Variants in PLEKHM2 observed in about 807,000 individuals in gnomAD.
PLEKHM2 encodes pleckstrin homology and RUN domain containing M2.
PLEKHM2 carries 77 observed loss-of-function variants against 116.3 expected under a neutral mutation model. The observed-to-expected ratio is 0.66, with a 90% CI of 0.55 to 0.80. The LOEUF is 0.80. PLEKHM2 is among the 30% of genes least tolerant of loss of function. PLEKHM2 has a pLI of 0.00. For missense variants in PLEKHM2, 1,183 were observed against 1,354.9 expected, an observed-to-expected ratio of 0.87 and a Z score of 1.99; for synonymous variants, 562 against 571.0, an observed-to-expected ratio of 0.98 and a Z score of 0.22.
At chr1:15,701,499 A>G (rs973283161) in intron 1 of PLEKHM2, among the ~76,000 whole-genome samples, 2 of 146,942 alleles carry the variant, frequency 1.4e-5, no homozygotes, top group African/African-American at 2.6e-5. Flanking sequence ...GACTTAAAAT[A>G]CCCCAGCTGG....
chr1:15,706,691 G>A (rs1206531080), intron 1 of PLEKHM2, among the ~76,000 whole-genome samples: 1 of 152,206 alleles, frequency 6.6e-6, no homozygotes, highest in Non-Finnish European at 1.5e-5. Context: ...ACAGGCGTGA[G>A]CCACTGTGCC....
At chr1:15,732,207 C>G (rs550051169) in intron 17 of PLEKHM2, 143 bp from the exon 18 acceptor site, 2 of 916,474 alleles carry the variant, frequency 2.2e-6, no homozygotes, top group Non-Finnish European at 3.3e-6. Context: ...AGGCATCACC[C>G]CCATCCCCGC....
chr1:15,725,006 G>A (rs1257445072), intron 7 of PLEKHM2, among the ~76,000 whole-genome samples: 1 of 152,180 alleles, frequency 6.6e-6, no homozygotes, highest in Non-Finnish European at 1.5e-5. Context: ...CATTCCTATG[G>A]GACTTAAGCC....
chr1:15,697,686 C>T (rs973971583), intron 1 of PLEKHM2, among the ~76,000 whole-genome samples: 1 of 152,156 alleles, frequency 6.6e-6, no homozygotes, highest in African/African-American at 2.4e-5. Flanking sequence ...TTTCTTGAGA[C>T]AGGGTCTCAC....
chr1:15,690,177 G>A (rs917958529), intron 1 of PLEKHM2, among the ~76,000 whole-genome samples: 2 of 150,778 alleles, frequency 1.3e-5, no homozygotes, highest in African/African-American at 2.4e-5. Flanking sequence ...AGCAATTCTC[G>A]TGCCTCAACC....
intron 3 of PLEKHM2, 94 bp downstream of exon 3, chr1:15,716,910 C>T: frequency 6.8e-7 from 1 of 1,479,988 alleles, no homozygotes; most frequent in Non-Finnish European, 9.1e-7. Context: ...CAGGGTCAGC[C>T]CTGGGAGGCA....
intron 1 of PLEKHM2, among the ~76,000 whole-genome samples, chr1:15,715,489 A>C (rs1641426892): frequency 6.6e-6 from 1 of 152,010 alleles, no homozygotes; most frequent in African/African-American, 2.4e-5. Context: ...TAAAGATAAA[A>C]AATTAGCTGG....
intron 1 of PLEKHM2, among the ~76,000 whole-genome samples, chr1:15,714,176 G>C (rs745672510): frequency 6.6e-6 from 1 of 151,730 alleles, no homozygotes; most frequent in Non-Finnish European, 1.5e-5. Context: ...TCCTGACCTC[G>C]TGATCCACCC....
rs1034914642 is a variant in PLEKHM2 at position 15,705,039 on chromosome 1, C to T, written c.61-11198C>T. Reference sequence around the variant, plus strand: ...GTGAGGACCCCTGGTCTAACGCAGCCCTGGCGGCTCAGTACTCAGACGCTC... The same window carrying T: ...GTGAGGACCCCTGGTCTAACGCAGCTCTGGCGGCTCAGTACTCAGACGCTC... On this transcript the variant is annotated intron_variant, in intron 1 of 19. Transcript: ENST00000375799. Among the ~76,000 whole-genome samples the T allele has an allele frequency of 7.9e-5, 12 of 152,152 alleles. No homozygotes were observed. The East Asian group carries it at 1.5e-3, about 20-fold the overall frequency.
chr1:15,689,130 C>T (rs1464475468), intron 1 of PLEKHM2, among the ~76,000 whole-genome samples: 1 of 151,728 alleles, frequency 6.6e-6, no homozygotes. Context: ...TACCTGTAAT[C>T]CCAGCTACTC....
At chr1:15,720,063 G>T in intron 6 of PLEKHM2, 143 bp downstream of exon 6, 1 of 601,720 alleles carries the variant, frequency 1.7e-6, no homozygotes. Flanking sequence ...CCATTTCCCA[G>T]ATCTTCATCT....
At chr1:15,726,016 C>T (rs1243775367) in intron 8 of PLEKHM2, 1 of 167,840 alleles carries the variant, frequency 6.0e-6, no homozygotes, top group Non-Finnish European at 1.3e-5. Context: ...GATTTCAACA[C>T]AGGAATCTGG....
chr1:15,682,420 C>T (rs917444571), upstream of PLEKHM2, among the ~76,000 whole-genome samples: 2 of 148,344 alleles, frequency 1.3e-5, no homozygotes, highest in Admixed American at 1.4e-4. Context: ...CACCGCACTC[C>T]GGCCTGGGTG....
At chr1:15,700,270 C>T (rs767593417) in intron 1 of PLEKHM2, among the ~76,000 whole-genome samples, 5 of 152,102 alleles carry the variant, frequency 3.3e-5, no homozygotes, top group Non-Finnish European at 7.4e-5. Flanking sequence ...GACAGGGTCT[C>T]GCTCTGTCAC....
Position 15,728,847 on chromosome 1 carries a change from C to A in PLEKHM2, c.1986+114C>A. ...CCCTTACTCCCCTCCCGGGGTTGGG[C>A]ACCAACTTAACTCTCAGAGAGGCTT... is the stretch of plus-strand genomic sequence containing the variant. On this transcript the variant is annotated intron_variant, in intron 12 of 19. Transcript: ENST00000375799. This position sits in a 1 kb window ranked among gnomAD's most constrained non-coding sequence, Gnocchi z 5.9. 1 of 1,013,052 alleles carries A rather than the reference C, an allele frequency of 9.9e-7. No homozygotes were observed. Among genetic ancestry groups the A allele is most frequent in the Non-Finnish European group, 1.5e-6 (1 of 666,606 alleles). The allele number at this position is 1,013,052 out of a possible 1,614,324, so 62.8% of individuals were successfully genotyped here. A position where few individuals can be genotyped will look rare whatever the true frequency, so the allele number is the denominator to read the frequency against.
intron 1 of PLEKHM2, among the ~76,000 whole-genome samples, chr1:15,713,144 C>T (rs1036420499): frequency 2.0e-5 from 3 of 151,866 alleles, no homozygotes; most frequent in Non-Finnish European, 2.9e-5. Flanking sequence ...GTAGACACAG[C>T]GTTTTGCTAT....
rs1448543905 is a variant in PLEKHM2 at position 15,733,875 on chromosome 1, G to A, written c.3001G>A (p.Ala1001Thr). 8.7e-6 allele frequency: 14 copies of A among 1,612,880 alleles called. No homozygotes were observed. Among genetic ancestry groups the A allele is most frequent in the African/African-American group, 1.3e-5 (1 of 74,932 alleles). ...FEDALSLIHS[A>T]WQRSDSLCRG... ...GGATGCCTTGAGCCTCATCCACAGC[G>A]CCTGGCAGCGGAGCGACAGTCTCTG... The change falls in exon 20 of 20, where the codon GCC (alanine) becomes ACC (threonine). Residue 1001 changes from alanine (A) to threonine (T), a missense_variant. Transcript: ENST00000375799.
intron 7 of PLEKHM2, among the ~76,000 whole-genome samples, chr1:15,724,067 C>T (rs2068029209): frequency 6.6e-6 from 1 of 152,176 alleles, no homozygotes; most frequent in Non-Finnish European, 1.5e-5. Context: ...CCCTCTCCTG[C>T]CCTGTTCCAG....
Position 15,734,000 on chromosome 1 carries a change from C to CA in PLEKHM2, c.*67dup. The CA allele has an allele frequency of 6.5e-7, 1 of 1,529,006 alleles. No homozygotes were observed. The highest frequency in any genetic ancestry group is 8.8e-7 in the Non-Finnish European group (1 of 1,132,068). 94.7% of individuals were successfully genotyped at this position (1,529,006 alleles called of 1,614,324 possible). A position where few individuals can be genotyped will look rare whatever the true frequency, so the allele number is the denominator to read the frequency against. ...GCACGCCAGCCGGCAGGCACACTGT[C>CA]ACGGCTGTTGTCATGCTGTCGGGAG... On this transcript the variant is annotated 3_prime_UTR_variant, in exon 20 of 20. Transcript: ENST00000375799.
Sources: allele counts gnomAD v4.1 joint callset (sites outside exome capture counted in the v4.1 genomes callset), GRCh38; gene constraint gnomAD v4.1.1; non-coding constraint Gnocchi (gnomAD v3.1); transcripts MANE v1.5; gene names NCBI Gene and HGNC (gene_info 2026-07-23, HGNC 2026-07-21).